Variants in CREB5 observed in about 807,000 individuals in gnomAD.
CREB5 encodes cyclic AMP-responsive element-binding protein 5.
A neutral mutation model predicts 57.1 loss-of-function variants in CREB5; 19 were observed. The ratio of observed to expected loss-of-function variants is 0.33; its 90% confidence interval spans 0.23 to 0.49. The LOEUF (loss-of-function observed/expected upper bound fraction) is 0.49, where lower values mean the gene tolerates loss of function less well. Among genes scored for constraint, CREB5 ranks in the 20% least tolerant of loss-of-function variants. The pLI is 0.99. For missense variants in CREB5, 579 were observed against 671.6 expected (o/e 0.86, Z 1.52); for synonymous variants, 238 against 238.3 (o/e 1.00, Z 0.01).
At chr7:28,314,754 G>T (rs1268753131) in intron 1 of CREB5, among the ~76,000 whole-genome samples, 4 of 152,154 alleles carry the variant, frequency 2.6e-5, no homozygotes, top group Non-Finnish European at 5.9e-5. Flanking sequence ...TCTTTACTGA[G>T]ACGCTTTACT....
At chr7:28,299,460 T>G (rs1785063431) in intron 1 of CREB5, 1 of 152,210 alleles carries the variant, frequency 6.6e-6, no homozygotes, top group South Asian at 2.1e-4. Context: ...CAGCCATGTG[T>G]AGCTATTTAA....
intron 5 of CREB5, among the ~76,000 whole-genome samples, chr7:28,591,551 C>A (rs1583676480): frequency 6.6e-6 from 1 of 152,296 alleles, no homozygotes; most frequent in East Asian, 1.9e-4. Context: ...ATTGCTGCTT[C>A]CACCTGCCTT....
intron 1 of CREB5, among the ~76,000 whole-genome samples, chr7:28,393,231 G>A (rs932955423): frequency 6.6e-6 from 1 of 152,034 alleles, no homozygotes; most frequent in African/African-American, 2.4e-5. Context: ...TCCAGCCATA[G>A]CAATGTTTTT....
intron 5 of CREB5, among the ~76,000 whole-genome samples, chr7:28,692,457 C>T (rs750508796): frequency 1.3e-5 from 2 of 152,152 alleles, no homozygotes; most frequent in Admixed American, 6.5e-5. Flanking sequence ...ATCTACTAAT[C>T]AGAGAAGCAG....
At chr7:28,625,784 A>G (rs1483541351) in intron 5 of CREB5, among the ~76,000 whole-genome samples, 1 of 152,226 alleles carries the variant, frequency 6.6e-6, no homozygotes, top group Non-Finnish European at 1.5e-5. Context: ...AGACTTTAAG[A>G]GGAGTAAATC....
At chr7:28,542,383 G>A (rs556243651) in intron 4 of CREB5, among the ~76,000 whole-genome samples, 63 of 152,270 alleles carry the variant, frequency 4.1e-4, no homozygotes, top group Non-Finnish European at 7.2e-4. Flanking sequence ...GGGGGGCAGG[G>A]GCAGAGGGAA....
At chr7:28,708,475 G>T (rs1206816704) in intron 5 of CREB5, among the ~76,000 whole-genome samples, 1 of 152,176 alleles carries the variant, frequency 6.6e-6, no homozygotes, top group Non-Finnish European at 1.5e-5. Context: ...GAAAACTGCC[G>T]AAGAGACCCT....
intron 1 of CREB5, among the ~76,000 whole-genome samples, chr7:28,428,242 G>C (rs772083013): frequency 6.6e-6 from 1 of 152,210 alleles, no homozygotes; most frequent in Non-Finnish European, 1.5e-5. Flanking sequence ...AGCAGTGGGA[G>C]CTGCTGGGTG....
At chr7:28,376,688 G>A (rs886986416) in intron 1 of CREB5, among the ~76,000 whole-genome samples, 5 of 152,192 alleles carry the variant, frequency 3.3e-5, no homozygotes, top group African/African-American at 1.2e-4. Context: ...TGTTCTATGT[G>A]GGTTATTTCC....
chr7:28,604,650 T>G (rs2128672057), intron 5 of CREB5, among the ~76,000 whole-genome samples: 1 of 151,546 alleles, frequency 6.6e-6, no homozygotes, highest in East Asian at 1.9e-4. Context: ...AATAAGATAA[T>G]AAAAGTCATG....
chr7:28,382,733 A>G (rs150679327), intron 1 of CREB5, among the ~76,000 whole-genome samples: 1 of 152,040 alleles, frequency 6.6e-6, no homozygotes, highest in African/African-American at 2.4e-5. Flanking sequence ...TTATTGGTCT[A>G]TTCTCAACAC....
chr7:28,531,426 A>G (rs570577752), intron 4 of CREB5, among the ~76,000 whole-genome samples: 5 of 152,008 alleles, frequency 3.3e-5, no homozygotes, highest in African/African-American at 4.8e-5. Context: ...CTCCACCTTC[A>G]TGTTCATATG....
intron 5 of CREB5, among the ~76,000 whole-genome samples, chr7:28,598,623 C>T (rs1337131759): frequency 6.6e-6 from 1 of 152,126 alleles, no homozygotes. Flanking sequence ...TGTAATATCA[C>T]TCACCCCAAC....
At chr7:28,518,637 C>A (rs1355278804) in intron 4 of CREB5, among the ~76,000 whole-genome samples, 1 of 152,172 alleles carries the variant, frequency 6.6e-6, no homozygotes, top group South Asian at 2.1e-4. Flanking sequence ...ACCCTTGTAA[C>A]CCCACTTGGT....
At chr7:28,496,705 A>G (rs940385030) in intron 3 of CREB5, among the ~76,000 whole-genome samples, 4 of 152,058 alleles carry the variant, frequency 2.6e-5, no homozygotes, top group Non-Finnish European at 5.9e-5. Context: ...GATAGTGCCA[A>G]TGTGCTCTGG....
intron 5 of CREB5, among the ~76,000 whole-genome samples, chr7:28,583,508 G>C (rs1170966345): frequency 1.3e-5 from 2 of 152,058 alleles, no homozygotes; most frequent in Non-Finnish European, 2.9e-5. Context: ...CTCAGGAAAG[G>C]GTAGAACAAC....
chr7:28,505,202 A>ACG (rs774379545), intron 3 of CREB5, among the ~76,000 whole-genome samples: 1 of 118,792 alleles, frequency 8.4e-6, no homozygotes, highest in East Asian at 2.1e-4. Context: ...GTGCACACAC[A>ACG]CGCACACACA....
intron 4 of CREB5, among the ~76,000 whole-genome samples, chr7:28,531,486 C>T (rs1363522645): frequency 2.0e-5 from 3 of 152,268 alleles, no homozygotes; most frequent in South Asian, 2.1e-4. Flanking sequence ...TTCATAAGGA[C>T]ACCACTCATG....
intron 7 of CREB5, among the ~76,000 whole-genome samples, chr7:28,763,920 C>T (rs1805809202): frequency 1.3e-5 from 2 of 151,970 alleles, no homozygotes; most frequent in Admixed American, 6.6e-5. Context: ...CCACCTCAGC[C>T]TCTCAAGTAG....
Sources: gnomAD v4.1 joint callset for allele counts (sites outside exome capture counted in the v4.1 genomes callset) on GRCh38, gnomAD v4.1.1 for gene constraint, MANE v1.5 for transcripts, NCBI Gene and HGNC (gene_info 2026-07-23, HGNC 2026-07-21) for gene names.